DYNC2LI1: variants seen among roughly 807,000 people sequenced by gnomAD.
DYNC2LI1 encodes cytoplasmic dynein 2 light intermediate chain 1.
DYNC2LI1 carries 45 observed loss-of-function variants against 51.9 expected under a neutral mutation model. The observed-to-expected ratio is 0.87, with a 90% CI of 0.68 to 1.11. The LOEUF (loss-of-function observed/expected upper bound fraction) is 1.11. DYNC2LI1 is among the 50% of genes most tolerant of loss of function. DYNC2LI1 has a pLI of 0.00. For synonymous variants in DYNC2LI1, 130 were observed against 137.8 expected (o/e 0.94, Z 0.40); for missense variants, 490 against 417.4 (o/e 1.17, Z -1.51).
At chr2:43,828,121 G>T in the DYNC2LI1 span, 1 of 1,613,938 alleles carries the variant, frequency 6.2e-7, no homozygotes, top group Non-Finnish European at 8.5e-7. Context: ...TCCACCTGCA[G>T]GAGACACAAA....
downstream of DYNC2LI1, chr2:43,812,932 C>G (rs1666557404): frequency 6.6e-6 from 4 of 610,586 alleles, no homozygotes; most frequent in South Asian, 7.8e-5. Flanking sequence ...GAGCAAGGGA[C>G]TATAAACCAC....
chr2:43,795,740 G>T, intron 6 of DYNC2LI1, 150 bp from the exon 7 acceptor site: 1 of 626,610 alleles, frequency 1.6e-6, no homozygotes, highest in Non-Finnish European at 2.8e-6. Flanking sequence ...GGAAGTGAAA[G>T]TTAAATATTA....
In DYNC2LI1 at chr2:43,775,854, A is replaced by ATTTTTT. The variant is rs57868887; in HGVS notation, c.9-903_9-898dup. On this transcript the variant is annotated intron_variant, in intron 1 of 12. Transcript: ENST00000260605. The stretch of plus-strand genomic sequence containing the variant: ...AGACACCCGCCACCACACCTGGCCA[A>ATTTTTT]TTTTTTTTTTTTTTTTTTTTTTTTT... The ATTTTTT allele has an allele frequency of 9.3e-4, 47 of 50,446 alleles. 4 individuals carry two copies. Among genetic ancestry groups the ATTTTTT allele is most frequent in the African/African-American group, 2.5e-3 (28 of 11,188 alleles). The allele number at this position is 50,446 out of a possible 1,614,324, so 3.1% of individuals were successfully genotyped here.
At chr2:43,804,588 A>C (rs1442012778) in intron 10 of DYNC2LI1, 54 bp from the exon 11 acceptor site, 1 of 1,104,470 alleles carries the variant, frequency 9.1e-7, no homozygotes, top group African/African-American at 1.6e-5. Flanking sequence ...TTATTGGTGG[A>C]GTTTGTAATA....
chr2:43,823,387 A>G, the DYNC2LI1 span, among the ~76,000 whole-genome samples: 2 of 150,794 alleles, frequency 1.3e-5, no homozygotes, highest in African/African-American at 4.9e-5. Context: ...CAAGCTCTAG[A>G]GCAACTTCAC....
chr2:43,806,574 T>C (rs1222507260), intron 12 of DYNC2LI1, among the ~76,000 whole-genome samples: 1 of 152,230 alleles, frequency 6.6e-6, no homozygotes, highest in Non-Finnish European at 1.5e-5. Flanking sequence ...GCAGCCTGGC[T>C]ATAAGGATTA....
At chr2:43,793,891 G>A (rs1673909874) in intron 5 of DYNC2LI1, 1 of 153,008 alleles carries the variant, frequency 6.5e-6, no homozygotes, top group Non-Finnish European at 1.5e-5. Flanking sequence ...GAATGGTATT[G>A]CAGAAAAACG....
At chr2:43,778,591 C>G (rs17031509) in intron 2 of DYNC2LI1, among the ~76,000 whole-genome samples, 16,611 of 152,158 alleles carry the variant, frequency 0.11, 1,118 homozygotes, top group African/African-American at 0.18. Flanking sequence ...ATAACTAGTA[C>G]TAGTCTTATG....
At chr2:43,779,282 AG>A (rs1472290355) in intron 2 of DYNC2LI1, among the ~76,000 whole-genome samples, 3 of 152,210 alleles carry the variant, frequency 2.0e-5, no homozygotes, top group Non-Finnish European at 4.4e-5. Flanking sequence ...GAAAGAAAAA[AG>A]TATCTGATTC....
At chr2:43,813,519 A>G (rs17031655), downstream of DYNC2LI1, among the ~76,000 whole-genome samples, 3,292 of 152,162 alleles carry the variant, frequency 0.022, 83 homozygotes, top group African/African-American at 0.062. Context: ...TATTTTGGGT[A>G]TAGATTCATT....
chr2:43,823,797 G>C, the DYNC2LI1 span: 2 of 1,219,680 alleles, frequency 1.6e-6, no homozygotes, highest in South Asian at 3.1e-5. Context: ...AACCTGGAGA[G>C]GGCTGGGTTT....
At chr2:43,827,877 A>G in the DYNC2LI1 span, 1 of 1,536,536 alleles carries the variant, frequency 6.5e-7, no homozygotes, top group Middle Eastern at 1.9e-4. Flanking sequence ...TCAGTTGTAC[A>G]CAAACCCCTT....
intron 10 of DYNC2LI1, among the ~76,000 whole-genome samples, chr2:43,802,817 A>C (rs1666118310): frequency 6.6e-6 from 1 of 152,212 alleles, no homozygotes; most frequent in Non-Finnish European, 1.5e-5. Context: ...ATATAAACTC[A>C]ACAGAAAAAT....
the DYNC2LI1 span, among the ~76,000 whole-genome samples, chr2:43,827,414 G>A: frequency 1.3e-5 from 2 of 151,790 alleles, no homozygotes; most frequent in Non-Finnish European, 2.9e-5. Context: ...AGAACAGGCC[G>A]TCCTGGTCTA....
chr2:43,814,700 C>A (rs1286823155), downstream of DYNC2LI1: 2 of 646,136 alleles, frequency 3.1e-6, no homozygotes, highest in Non-Finnish European at 5.4e-6. Flanking sequence ...TTTTCTATCT[C>A]CTTATTATAA....
intron 10 of DYNC2LI1, 138 bp downstream of exon 10, chr2:43,801,847 A>C: frequency 1.6e-6 from 1 of 618,118 alleles, no homozygotes; most frequent in South Asian, 2.2e-5. Context: ...GTGTTTGTTT[A>C]TATGCCCAGT....
chr2:43,813,709 G>T (rs531043156), downstream of DYNC2LI1, among the ~76,000 whole-genome samples: 973 of 32,864 alleles, frequency 0.03, 4 homozygotes, highest in Middle Eastern at 0.12. Flanking sequence ...TTTTTTTTTC[G>T]TTTTTTTTTT....
chr2:43,822,240 T>C, the DYNC2LI1 span, among the ~76,000 whole-genome samples: 1 of 152,120 alleles, frequency 6.6e-6, no homozygotes, highest in African/African-American at 2.4e-5. Context: ...TTTTGGGAAA[T>C]TGCAATGGCC....
chr2:43,823,786 G>A, the DYNC2LI1 span: 5 of 1,095,220 alleles, frequency 4.6e-6, no homozygotes, highest in African/African-American at 6.4e-5. Flanking sequence ...CCCAGAGAGG[G>A]AACCTGGAGA....
Sources: allele counts gnomAD v4.1 joint callset (sites outside exome capture counted in the v4.1 genomes callset), GRCh38; gene constraint gnomAD v4.1.1; transcripts MANE v1.5; gene names NCBI Gene and HGNC (gene_info 2026-07-23, HGNC 2026-07-21).